Variants in XKRX observed in about 807,000 individuals in gnomAD.
XKRX encodes the protein XK related X-linked.
Under a neutral mutation model 22.4 loss-of-function variants are expected in XKRX, and 11 were observed. That is an observed-to-expected ratio of 0.49 (90% CI 0.31 to 0.81). XKRX has a LOEUF of 0.81. XKRX is among the 40% of genes least tolerant of loss of function. The pLI is 0.05. For missense variants in XKRX, 320 were observed against 336.5 expected (o/e 0.95, Z 0.38); for synonymous variants, 114 against 132.2 (o/e 0.86, Z 0.94).
chrX:100,922,504 A>G (rs1301148061), intron 2 of XKRX, among the ~76,000 whole-genome samples: 1 of 111,823 alleles, frequency 8.9e-6, no homozygotes, highest in East Asian at 2.8e-4. Context: ...GGCAGGCTTG[A>G]GATGTCTGAC....
At chrX:100,902,971 G>A in the XKRX span, among the ~76,000 whole-genome samples, 19 of 108,289 alleles carry the variant, frequency 1.8e-4, no homozygotes, top group Admixed American at 1.3e-3. Context: ...GGATGGTCTC[G>A]ATCTCCTGAC....
At chrX:100,940,197 C>A in the XKRX span, among the ~76,000 whole-genome samples, 2 of 111,654 alleles carry the variant, frequency 1.8e-5, no homozygotes, top group African/African-American at 6.5e-5. Flanking sequence ...TTAACACCTG[C>A]AATGTCCTTA....
upstream of XKRX, chrX:100,929,530 C>CAGGTGTGTCT (rs2085513905): frequency 9.0e-6 from 1 of 111,404 alleles, no homozygotes; most frequent in Non-Finnish European, 1.9e-5. Flanking sequence ...CGCTGTTAGG[C>CAGGTGTGTCT]AGGTGTGTCT....
At chrX:100,909,884 C>T (rs1602408371), downstream of XKRX, among the ~76,000 whole-genome samples, 1 of 77,667 alleles carries the variant, frequency 1.3e-5, no homozygotes, top group Non-Finnish European at 2.3e-5. Context: ...GCCTGGGTGA[C>T]AGAGCGAGAC....
Position 100,914,884 on chromosome X carries a change from C to T in XKRX, c.804G>A (p.Lys268=), listed in dbSNP as rs765173404. The T allele has an allele frequency of 9.1e-6, 11 of 1,211,773 alleles. No individual in the cohort carries two copies. Among genetic ancestry groups the T allele is most frequent in the Non-Finnish European group, 1.2e-5 (11 of 895,560 alleles). The change falls in exon 3 of 3, where the codon AAG becomes AAA. Residue 268 remains lysine (K), a synonymous_variant. Transcript: ENST00000372956. ...AGTTGAGCACTAGGAAGGGCACAGC[C>T]TTCAATTTCAAAGTGGCTGAGAAGA... ...LVLFSATLKL[K]AVPFLVLNFL... is the part of the protein sequence containing the mutation.
the XKRX span, among the ~76,000 whole-genome samples, chrX:100,938,748 T>TA: frequency 8.9e-6 from 1 of 112,275 alleles, no homozygotes; most frequent in Non-Finnish European, 1.9e-5. Flanking sequence ...TGTGACTCCC[T>TA]ATTTAAGCAT....
At chrX:100,917,069 T>C (rs79245771) in intron 2 of XKRX, among the ~76,000 whole-genome samples, 3,335 of 111,006 alleles carry the variant, frequency 0.03, 126 homozygotes, top group African/African-American at 0.1. Flanking sequence ...TAGTGGGCCG[T>C]GATTGCACCA....
At chrX:100,945,137 G>C in the XKRX span, among the ~76,000 whole-genome samples, 1 of 107,499 alleles carries the variant, frequency 9.3e-6, no homozygotes, top group Non-Finnish European at 1.9e-5. Context: ...GAGTGCAGTG[G>C]TGTGAACGTG....
chrX:100,899,459 G>T, the XKRX span, among the ~76,000 whole-genome samples: 4 of 112,600 alleles, frequency 3.6e-5, no homozygotes, highest in African/African-American at 1.3e-4. Flanking sequence ...AGGATACAGT[G>T]AGCCGAGATC....
chrX:100,900,837 T>G, the XKRX span, among the ~76,000 whole-genome samples: 2 of 100,908 alleles, frequency 2.0e-5, no homozygotes, highest in Non-Finnish European at 4.0e-5. Flanking sequence ...TCGCCTAGGC[T>G]GGAGTGCAGT....
chrX:100,957,132 G>A, the XKRX span: 1 of 1,142,412 alleles, frequency 8.8e-7, no homozygotes, highest in South Asian at 1.8e-5. Flanking sequence ...TTATGCCAAC[G>A]AGGAAGTGCC....
the XKRX span, among the ~76,000 whole-genome samples, chrX:100,947,952 G>C: frequency 7.4e-5 from 8 of 108,110 alleles, no homozygotes; most frequent in Non-Finnish European, 1.3e-4. Context: ...GCCCAGGCTG[G>C]AGTGCAGTGG....
At chrX:100,918,130 G>C (rs2085454486) in intron 2 of XKRX, among the ~76,000 whole-genome samples, 1 of 112,316 alleles carries the variant, frequency 8.9e-6, no homozygotes, top group Non-Finnish European at 1.9e-5. Flanking sequence ...GGAGTTTTCT[G>C]TTCCTATTAA....
chrX:100,909,620 T>C (rs1182047036), downstream of XKRX, among the ~76,000 whole-genome samples: 1 of 111,852 alleles, frequency 8.9e-6, no homozygotes, highest in East Asian at 2.8e-4. Context: ...ATAATGCATA[T>C]AGGCCTGGCA....
At chrX:100,936,540 C>CAAAAAAAAAA in the XKRX span, among the ~76,000 whole-genome samples, 230 of 25,436 alleles carry the variant, frequency 9.0e-3, no homozygotes, top group Non-Finnish European at 0.013. Context: ...GACTCTGTCT[C>CAAAAAAAAAA]AAAAAAAAAA....
chrX:100,958,681 G>A, the XKRX span, among the ~76,000 whole-genome samples: 1 of 111,627 alleles, frequency 9.0e-6, no homozygotes, highest in East Asian at 2.8e-4. Flanking sequence ...ATGTTTTGAG[G>A]TATAAATTAA....
downstream of XKRX, among the ~76,000 whole-genome samples, chrX:100,908,731 G>T (rs1431874527): frequency 8.9e-6 from 1 of 111,844 alleles, no homozygotes; most frequent in Non-Finnish European, 1.9e-5. Context: ...ATGTACTAAA[G>T]AATTTCCTAG....
chrX:100,907,213 TGA>T, the XKRX span, among the ~76,000 whole-genome samples: 1 of 111,392 alleles, frequency 9.0e-6, no homozygotes, highest in South Asian at 3.8e-4. Context: ...TTTTAGTTTT[TGA>T]GACAGGGTCT....
At chrX:100,926,677 A>G (rs1001311671) in intron 1 of XKRX, among the ~76,000 whole-genome samples, 1 of 111,299 alleles carries the variant, frequency 9.0e-6, no homozygotes, top group Non-Finnish European at 1.9e-5. Flanking sequence ...ACATCTCTCT[A>G]CCTTGAAAAC....
Sources: gnomAD v4.1 joint callset for allele counts (sites outside exome capture counted in the v4.1 genomes callset) on GRCh38, gnomAD v4.1.1 for gene constraint, MANE v1.5 for transcripts, NCBI Gene and HGNC (gene_info 2026-07-23, HGNC 2026-07-21) for gene names.